Variants in FGF14 observed in about 807,000 individuals in gnomAD.
FGF14 encodes fibroblast growth factor homologous factor 4.
Under a neutral mutation model 25.5 loss-of-function variants are expected in FGF14, and 5 were observed. The observed-to-expected ratio is 0.20, with a 90% confidence interval of 0.10 to 0.41. The LOEUF is 0.41. Among genes scored for constraint, FGF14 ranks in the 10% least tolerant of loss-of-function variants. The pLI is 1.00. For synonymous variants in FGF14, 138 were observed against 118.3 expected, an observed-to-expected ratio of 1.17 and a Z score of -1.08; for missense variants, 222 against 320.1, an observed-to-expected ratio of 0.69 and a Z score of 2.34.
At chr13:102,372,601 TA>T (rs1488343360) in intron 1 of FGF14, among the ~76,000 whole-genome samples, 1 of 152,134 alleles carries the variant, frequency 6.6e-6, no homozygotes, top group East Asian at 1.9e-4. Flanking sequence ...GCTGTGGCAT[TA>T]GGACTTCCAA....
chr13:102,312,010 G>T (rs2055793522), intron 1 of FGF14, among the ~76,000 whole-genome samples: 2 of 152,042 alleles, frequency 1.3e-5, no homozygotes, highest in Non-Finnish European at 1.5e-5. Flanking sequence ...ATTTTAATTT[G>T]GGAACCAAGT....
Position 102,211,605 on chromosome 13 carries a change from A to G in FGF14, c.208+189866T>C, listed in dbSNP as rs570502202. 3.9e-5 allele frequency among the ~76,000 whole-genome samples: 6 copies of G among 152,350 alleles called. No individual in the cohort carries two copies. The South Asian group carries it at 1.0e-3, about 26-fold the overall frequency. On this transcript the variant is annotated intron_variant, in intron 1 of 4. Transcript: ENST00000376131. ...ACATCTTTTGCTACTTGGCTACAAC[A>G]AACACACACTGGACCCTTGTGTGCC...
intron 3 of FGF14, among the ~76,000 whole-genome samples, chr13:101,793,388 T>C (rs1354491584): frequency 2.0e-5 from 3 of 152,176 alleles, no homozygotes; most frequent in Non-Finnish European, 4.4e-5. Flanking sequence ...ATTCATGTTA[T>C]TGCAAATGAC....
intron 1 of FGF14, among the ~76,000 whole-genome samples, chr13:102,211,742 A>G (rs969155682): frequency 2.0e-5 from 3 of 152,208 alleles, no homozygotes; most frequent in Non-Finnish European, 2.9e-5. Context: ...CCTAACTCAA[A>G]AAGAGTTCAA....
chr13:101,806,961 A>T (rs1156261175), intron 3 of FGF14, among the ~76,000 whole-genome samples: 1 of 152,264 alleles, frequency 6.6e-6, no homozygotes, highest in East Asian at 1.9e-4. Context: ...CTCTGGAATA[A>T]AATCTCCTTA....
rs757710659 is a variant in FGF14 at position 101,760,331 on chromosome 13, G to T, written c.409-33521C>A. 1.8e-3 allele frequency among the ~76,000 whole-genome samples: 279 copies of T among 152,202 alleles called. 1 individual carries two copies. Among genetic ancestry groups the T allele is most frequent in the Non-Finnish European group, 3.0e-3 (203 of 67,994 alleles). The stretch of plus-strand genomic sequence containing the variant: ...CTAGCTTTCACCCTCTATTAAAAAG[G>T]CTTTTGTCTAAGACCTTCACTTATT... On this transcript the variant is annotated intron_variant, in intron 3 of 4. Coordinates refer to ENST00000376143, the MANE Select transcript of FGF14 (RefSeq NM_004115.4).
In FGF14 at chr13:102,161,570, A is replaced by AAGAAGAAAAGAAGAAGAAAAGAAGAAG; in HGVS notation, c.208+239900_208+239901insCTTCTTCTTTTCTTCTTCTTTTCTTCT. ...TCTATGCAACCAACTTTCTGTGAAG[A>AAGAAGAAAAGAAGAAGAAAAGAAGAAG]AAGAAAGAAGAAGAAGAAGAAGAAG... On this transcript the variant is annotated intron_variant, in intron 1 of 4. Coordinates refer to the FGF14 transcript ENST00000376131. Among the ~76,000 whole-genome samples the AAGAAGAAAAGAAGAAGAAAAGAAGAAG allele has an allele frequency of 5.3e-4, 3 of 5,652 alleles. 1 individual carries two copies. Among genetic ancestry groups the AAGAAGAAAAGAAGAAGAAAAGAAGAAG allele is most frequent in the Non-Finnish European group, 7.2e-4 (3 of 4,184 alleles). The allele number at this position is 5,652 out of a possible 152,430, so 3.7% of individuals were successfully genotyped here. A position where few individuals can be genotyped will look rare whatever the true frequency, so the allele number is the denominator to read the frequency against.
chr13:102,364,761 G>A (rs994208537), intron 1 of FGF14, among the ~76,000 whole-genome samples: 1 of 152,100 alleles, frequency 6.6e-6, no homozygotes, highest in Non-Finnish European at 1.5e-5. Flanking sequence ...CAGAAACCAC[G>A]GTCTCTCCGA....
At chr13:101,971,974 C>T (rs1594871404) in intron 1 of FGF14, among the ~76,000 whole-genome samples, 1 of 152,178 alleles carries the variant, frequency 6.6e-6, no homozygotes, top group Admixed American at 6.5e-5. Context: ...AATGGGAGCT[C>T]AATGCTCAGG....
chr13:102,023,400 C>T (rs915494844), intron 1 of FGF14, among the ~76,000 whole-genome samples: 2 of 151,934 alleles, frequency 1.3e-5, no homozygotes, highest in African/African-American at 4.8e-5. Context: ...GTATAGAGCT[C>T]TTAATAGAGC....
rs71435118 is a variant in FGF14, at chr13:102,194,949, C to A, written c.208+206522G>T. On this transcript the variant is annotated intron_variant, in intron 1 of 4. Coordinates refer to the FGF14 transcript ENST00000376131. ...AGAAACTATGGTTTCCAGAAGGCAA[C>A]GGGATGACATACTCCAAGTACTGAA... Among the ~76,000 whole-genome samples, 308 of 151,730 alleles carry A rather than the reference C, an allele frequency of 2.0e-3. 2 individuals are homozygous for A. The highest frequency in any genetic ancestry group is 0.017 in the Middle Eastern group (5 of 294).
chr13:102,310,057 A>G (rs1272238323), intron 1 of FGF14, among the ~76,000 whole-genome samples: 1 of 152,154 alleles, frequency 6.6e-6, no homozygotes, highest in African/African-American at 2.4e-5. Context: ...CCAGTTTAGA[A>G]CTCCTTTTCT....
chr13:101,818,904 A>G (rs1002778504), intron 3 of FGF14, among the ~76,000 whole-genome samples: 7 of 152,138 alleles, frequency 4.6e-5, no homozygotes, highest in African/African-American at 1.7e-4. Flanking sequence ...TCATCTATGC[A>G]TTACTCATCC....
chr13:102,390,782 T>G (rs1762022503), intron 1 of FGF14, among the ~76,000 whole-genome samples: 1 of 152,178 alleles, frequency 6.6e-6, no homozygotes, highest in Admixed American at 6.5e-5. Flanking sequence ...TTCAGAACAT[T>G]TCTGTTAAAG....
intron 1 of FGF14, among the ~76,000 whole-genome samples, chr13:102,156,741 T>C (rs1246538904): frequency 6.6e-6 from 1 of 152,158 alleles, no homozygotes; most frequent in Admixed American, 6.5e-5. Context: ...GCAGACGACA[T>C]GATTGTATAT....
chr13:101,774,362 C>A (rs1224821222), intron 3 of FGF14, among the ~76,000 whole-genome samples: 1 of 152,120 alleles, frequency 6.6e-6, no homozygotes, highest in Non-Finnish European at 1.5e-5. Context: ...CCCTTGGAAA[C>A]CAGTCGAGAT....
chr13:101,950,997 C>T, intron 1 of FGF14, among the ~76,000 whole-genome samples: 1 of 152,054 alleles, frequency 6.6e-6, no homozygotes, highest in Non-Finnish European at 1.5e-5. Flanking sequence ...GTTTAGAAAT[C>T]TCTGTTGGGT....
intron 1 of FGF14, among the ~76,000 whole-genome samples, chr13:102,236,196 T>C (rs764720164): frequency 5.9e-5 from 9 of 152,186 alleles, no homozygotes; most frequent in Non-Finnish European, 1.3e-4. Flanking sequence ...CTCTTAACTT[T>C]CTAATAAACT....
At chr13:102,198,085 C>T (rs1196067942) in intron 1 of FGF14, among the ~76,000 whole-genome samples, 2 of 152,184 alleles carry the variant, frequency 1.3e-5, no homozygotes, top group Non-Finnish European at 1.5e-5. Context: ...CCCGCCCTGG[C>T]GCAGAGTTGT....
Sources: gnomAD v4.1 joint callset for allele counts (sites outside exome capture counted in the v4.1 genomes callset) on GRCh38, gnomAD v4.1.1 for gene constraint, MANE v1.5 for transcripts, NCBI Gene and HGNC (gene_info 2026-07-23, HGNC 2026-07-21) for gene names.